The following EYS variants were observed in gnomAD, a reference collection of about 807,000 sequenced individuals.
The protein encoded by EYS is protein eyes shut homolog.
A neutral mutation model predicts 282.1 loss-of-function variants in EYS; 250 were observed. The observed-to-expected ratio is 0.89, with a 90% CI of 0.80 to 0.98. The LOEUF is 0.98. Ranked by LOEUF, EYS falls within the 50% of genes least tolerant of loss-of-function variation. EYS has a pLI of 0.00. For missense variants in EYS, 4,016 were observed against 3,709.0 expected (o/e 1.08, Z -2.15); for synonymous variants, 1,355 against 1,282.9 (o/e 1.06, Z -1.20).
At chr6:64,388,145 A>C (rs2150424506) in intron 29 of EYS, among the ~76,000 whole-genome samples, 1 of 152,268 alleles carries the variant, frequency 6.6e-6, no homozygotes, top group Non-Finnish European at 1.5e-5. Context: ...CATTTAAGTC[A>C]GCTTTCAAGC....
At chr6:64,368,578 T>G (rs1353072663) in intron 29 of EYS, among the ~76,000 whole-genome samples, 1 of 152,084 alleles carries the variant, frequency 6.6e-6, no homozygotes, top group South Asian at 2.1e-4. Context: ...GCATGTTATT[T>G]TTTTACTTTT....
At chr6:65,357,441 C>T (rs1275697353) in intron 8 of EYS, among the ~76,000 whole-genome samples, 1 of 151,912 alleles carries the variant, frequency 6.6e-6, no homozygotes, top group African/African-American at 2.4e-5. Flanking sequence ...AGTGAATAAA[C>T]TAAATGTTTG....
chr6:64,988,454 T>A (rs925226199), intron 14 of EYS, among the ~76,000 whole-genome samples: 3 of 151,578 alleles, frequency 2.0e-5, no homozygotes, highest in African/African-American at 7.3e-5. Flanking sequence ...GTGAGTTTCT[T>A]ACTCTATGAA....
intron 26 of EYS, among the ~76,000 whole-genome samples, chr6:64,527,179 C>G (rs1474397555): frequency 6.6e-6 from 1 of 151,748 alleles, no homozygotes; most frequent in Admixed American, 6.6e-5. Context: ...AATATTTCCA[C>G]AGTCAACAAA....
chr6:65,165,921 T>C (rs992346346), intron 12 of EYS, among the ~76,000 whole-genome samples: 3 of 151,058 alleles, frequency 2.0e-5, no homozygotes, highest in Non-Finnish European at 3.0e-5. Flanking sequence ...AAATCAATAA[T>C]ATTTCTGTAC....
At chr6:64,463,600 AAAT>A (rs1264731407) in intron 26 of EYS, among the ~76,000 whole-genome samples, 1 of 152,222 alleles carries the variant, frequency 6.6e-6, no homozygotes, top group East Asian at 1.9e-4. Flanking sequence ...GGAAAAGTGA[AAAT>A]AATGCAATTA....
intron 12 of EYS, among the ~76,000 whole-genome samples, chr6:65,277,056 C>T (rs186185647): frequency 1.3e-5 from 2 of 152,142 alleles, no homozygotes; most frequent in Non-Finnish European, 2.9e-5. Context: ...CCTAGTGTGA[C>T]GCCATTAGAA....
intron 5 of EYS, among the ~76,000 whole-genome samples, chr6:65,486,984 T>C (rs1241977068): frequency 6.6e-6 from 1 of 151,628 alleles, no homozygotes; most frequent in Non-Finnish European, 1.5e-5. Context: ...TTGTCTGTTA[T>C]TGGTATATAG....
chr6:63,862,270 A>C (rs954022266), intron 36 of EYS, among the ~76,000 whole-genome samples: 1 of 152,116 alleles, frequency 6.6e-6, no homozygotes, highest in Non-Finnish European at 1.5e-5. Context: ...TATCTTTTCA[A>C]TTAGAAGGTA....
intron 11 of EYS, among the ~76,000 whole-genome samples, chr6:65,297,016 G>A (rs1275737249): frequency 1.3e-5 from 2 of 151,424 alleles, no homozygotes; most frequent in African/African-American, 4.8e-5. Context: ...ATCTGTTCAA[G>A]GCCTAATTTA....
At chr6:64,544,174 A>G (rs1311861462) in intron 26 of EYS, among the ~76,000 whole-genome samples, 1 of 152,222 alleles carries the variant, frequency 6.6e-6, no homozygotes, top group African/African-American at 2.4e-5. Context: ...AGACAAAACC[A>G]CAGCCTTCTA....
chr6:65,145,559 G>C (rs1482233878), intron 12 of EYS, among the ~76,000 whole-genome samples: 1 of 151,064 alleles, frequency 6.6e-6, no homozygotes, highest in East Asian at 1.9e-4. Context: ...ATTAATATAA[G>C]TGACAATTCA....
chr6:65,571,872 G>A (rs564469187), intron 2 of EYS, among the ~76,000 whole-genome samples: 35 of 152,070 alleles, frequency 2.3e-4, no homozygotes, highest in Non-Finnish European at 4.4e-4. Context: ...TGTCAATTAT[G>A]CCTAAATTTA....
intron 26 of EYS, among the ~76,000 whole-genome samples, chr6:64,490,763 T>A (rs1776713879): frequency 6.6e-6 from 1 of 150,808 alleles, no homozygotes; most frequent in South Asian, 2.1e-4. Flanking sequence ...GACTAAAATG[T>A]TGGGAACTGA....
At position 64,732,990 on chromosome 6, in the gene EYS, T is replaced by C. The variant is rs762570316; in HGVS notation, c.3443+80388A>G. ...AGTGCTGTGTTGTGCAAATGATGAA[T>C]GGCATATCCCCTAATTGTGGTATTA... On this transcript the variant is annotated intron_variant, in intron 22 of 42. Transcript: ENST00000503581. Among the ~76,000 whole-genome samples the C allele has an allele frequency of 2.6e-4, 39 of 152,188 alleles. 1 individual carries two copies. Among genetic ancestry groups the C allele is most frequent in the Admixed American group, 1.2e-3 (19 of 15,270 alleles).
At chr6:64,509,398 A>C (rs1582835061) in intron 26 of EYS, among the ~76,000 whole-genome samples, 1 of 152,238 alleles carries the variant, frequency 6.6e-6, no homozygotes, top group Admixed American at 6.5e-5. Context: ...TACTCACAGA[A>C]TTCCTCGCAC....
At position 64,345,887 on chromosome 6, in the gene EYS, C is replaced by T. The variant is rs537814769; in HGVS notation, c.6079-38805G>A. 7.9e-5 allele frequency among the ~76,000 whole-genome samples: 12 copies of T among 151,986 alleles called. No individual in the cohort carries two copies. In the South Asian group the frequency reaches 2.1e-3, roughly 26 times the overall value. On this transcript the variant is annotated intron_variant, in intron 29 of 42. Transcript: ENST00000503581. ...ATAAAAAACCCTATCAAAAAGTGGG[C>T]GAAGGATATGAACAGACACTTCTCA...
intron 18 of EYS, among the ~76,000 whole-genome samples, chr6:64,899,734 A>C (rs752314897): frequency 6.6e-6 from 1 of 152,160 alleles, no homozygotes; most frequent in Non-Finnish European, 1.5e-5. Flanking sequence ...AAGAAAGGAC[A>C]CAAAAAAATG....
chr6:64,762,006 G>C (rs574325173), intron 22 of EYS, among the ~76,000 whole-genome samples: 1 of 152,088 alleles, frequency 6.6e-6, no homozygotes, highest in South Asian at 2.1e-4. Context: ...TAATAATAAT[G>C]AATGAATGAT....
Sources: gnomAD v4.1 joint callset for allele counts (sites outside exome capture counted in the v4.1 genomes callset) on GRCh38, gnomAD v4.1.1 for gene constraint, MANE v1.5 for transcripts, NCBI Gene and HGNC (gene_info 2026-07-23, HGNC 2026-07-21) for gene names.